The following PRKN variants were observed in gnomAD, a reference collection of about 807,000 sequenced individuals.
PRKN encodes the protein parkin RBR E3 ubiquitin protein ligase, also known as E3 ubiquitin-protein ligase parkin.
In PRKN, 56 loss-of-function variants were observed where a neutral mutation model predicts 59.5. The ratio of observed to expected loss-of-function variants is 0.94; its 90% CI spans 0.76 to 1.18. The LOEUF is 1.18. Ranked by LOEUF, PRKN falls within the 50% of genes most tolerant of loss-of-function variation. The pLI, the probability that PRKN is intolerant of heterozygous loss-of-function variation, is 0.00. For synonymous variants in PRKN, 250 were observed against 222.1 expected, an observed-to-expected ratio of 1.13 and a Z score of -1.12; for missense variants, 657 against 596.4, an observed-to-expected ratio of 1.10 and a Z score of -1.06.
At chr6:162,268,993 G>GAAACA (rs1481378388) in intron 2 of PRKN, among the ~76,000 whole-genome samples, 2 of 125,612 alleles carry the variant, frequency 1.6e-5, no homozygotes, top group South Asian at 2.7e-4. Context: ...TTTTAAAGAG[G>GAAACA]AAACAAAACA....
intron 4 of PRKN, among the ~76,000 whole-genome samples, chr6:162,102,270 T>A (rs535963086): frequency 6.6e-6 from 1 of 152,278 alleles, no homozygotes; most frequent in South Asian, 2.1e-4. Context: ...CTCCCACTTA[T>A]AAGTGAGAAG....
intron 6 of PRKN, among the ~76,000 whole-genome samples, chr6:161,823,718 G>GGTGCACACTCCCTTGGT (rs1792129415): frequency 6.6e-6 from 1 of 152,130 alleles, no homozygotes; most frequent in African/African-American, 2.4e-5. Flanking sequence ...CAAATATTTA[G>GGTGCACACTCCCTTGGT]GTGCACACTC....
At position 161,379,792 on chromosome 6, in the gene PRKN, C is replaced by T. The variant is rs572442609; in HGVS notation, c.1167+7002G>A. ...CACGGCAGTTCAGCCTTCCTTCAAA[C>T]TGCTTCATGCGATTCCCCACAGCAT... is the stretch of plus-strand genomic sequence containing the variant. On this transcript the variant is annotated intron_variant, in intron 10 of 11. Coordinates refer to ENST00000366898, the MANE Select transcript of PRKN (RefSeq NM_004562.3). This position sits in a 1 kb window ranked among gnomAD's most constrained non-coding sequence, Gnocchi z 4.9. Among the ~76,000 whole-genome samples the T allele has an allele frequency of 5.9e-5, 9 of 152,352 alleles. No homozygotes were observed. The East Asian group carries it at 1.5e-3, about 26-fold the overall frequency.
At chr6:162,517,815 C>T (rs1777927957) in intron 1 of PRKN, among the ~76,000 whole-genome samples, 1 of 152,122 alleles carries the variant, frequency 6.6e-6, no homozygotes, top group Admixed American at 6.6e-5. Context: ...TTGTCTACAT[C>T]ATATATTATA....
chr6:161,426,775 G>A (rs1005384859), intron 9 of PRKN, among the ~76,000 whole-genome samples: 3 of 152,084 alleles, frequency 2.0e-5, no homozygotes, highest in Middle Eastern at 3.4e-3. Flanking sequence ...CTGGAGTGCA[G>A]TGGCGCAATC....
At chr6:162,593,341 C>T (rs768935243) in intron 1 of PRKN, among the ~76,000 whole-genome samples, 18 of 152,112 alleles carry the variant, frequency 1.2e-4, no homozygotes, top group Admixed American at 3.3e-4. Flanking sequence ...CTGGATGGCA[C>T]GTCTATTTTG....
chr6:161,721,217 A>C (rs2128185362), intron 7 of PRKN, among the ~76,000 whole-genome samples: 1 of 152,404 alleles, frequency 6.6e-6, no homozygotes, highest in Non-Finnish European at 1.5e-5. Context: ...AAAATGTATA[A>C]AAGTATAAAA....
chr6:162,465,175 G>T (rs555305966), intron 1 of PRKN, among the ~76,000 whole-genome samples: 1 of 152,296 alleles, frequency 6.6e-6, no homozygotes, highest in East Asian at 1.9e-4. Context: ...AGAAAAACCA[G>T]TGAAGTGGTG....
chr6:161,850,632 T>C (rs1478786941), intron 6 of PRKN, among the ~76,000 whole-genome samples: 1 of 152,062 alleles, frequency 6.6e-6, no homozygotes, highest in Non-Finnish European at 1.5e-5. Flanking sequence ...AGTTTTTTTC[T>C]TGTTTGTCTT....
Position 162,021,136 on chromosome 6 carries a change from AT to A in PRKN, c.618+32954del, listed in dbSNP as rs1562465355. Among the ~76,000 whole-genome samples the A allele has an allele frequency of 4.5e-3, 46 of 10,246 alleles. 8 individuals carry two copies. The highest frequency in any genetic ancestry group is 0.023 in the Admixed American group (14 of 596). The allele number at this position is 10,246 out of a possible 152,430, so 6.7% of individuals were successfully genotyped here. On this transcript the variant is annotated intron_variant, in intron 5 of 11. Transcript: ENST00000366898. The stretch of plus-strand genomic sequence containing the variant: ...AACAAAAACATATATATATATATAT[AT>A]ATATATATATATATATATATATATA...
In PRKN at chr6:161,562,525, C is replaced by T. The variant is rs1780495336; in HGVS notation, c.933+6830G>A. On this transcript the variant is annotated intron_variant, in intron 8 of 11. Transcript: ENST00000366898. The surrounding 1 kb of genome is among the most constrained non-coding windows in gnomAD (Gnocchi z 4.3). ...AATTTCCTCTACATGCTGGTAATTC[C>T]AAAGTTATCTCTCCATCTCGGACCT... 6.6e-6 allele frequency among the ~76,000 whole-genome samples: 1 copy of T among 152,170 alleles called. No individual in the cohort carries two copies. The highest frequency in any genetic ancestry group is 2.1e-4 in the South Asian group (1 of 4,832).
intron 7 of PRKN, among the ~76,000 whole-genome samples, chr6:161,733,084 A>G (rs1787790413): frequency 6.6e-6 from 1 of 152,210 alleles, no homozygotes; most frequent in South Asian, 2.1e-4. Context: ...GTAATGAAAC[A>G]CTTATTTCAT....
At chr6:162,057,487 C>T (rs767986245) in intron 4 of PRKN, among the ~76,000 whole-genome samples, 4 of 152,122 alleles carry the variant, frequency 2.6e-5, no homozygotes, top group African/African-American at 4.8e-5. Context: ...CATATATTCA[C>T]TCGATAAAAG....
chr6:161,555,368 G>A (rs964048573), intron 8 of PRKN, among the ~76,000 whole-genome samples: 27 of 152,042 alleles, frequency 1.8e-4, no homozygotes, highest in Admixed American at 1.8e-3. Context: ...GCCCTGTACG[G>A]GACTGAACCT....
At chr6:162,651,204 C>T (rs1448738595) in intron 1 of PRKN, among the ~76,000 whole-genome samples, 1 of 152,124 alleles carries the variant, frequency 6.6e-6, no homozygotes, top group African/African-American at 2.4e-5. Flanking sequence ...TCATTACAAA[C>T]CTCCATTCTC....
chr6:162,579,059 T>C (rs1278386767), intron 1 of PRKN, among the ~76,000 whole-genome samples: 1 of 152,122 alleles, frequency 6.6e-6, no homozygotes, highest in Non-Finnish European at 1.5e-5. Context: ...ATTTTTCCTA[T>C]CTTTTAAAAT....
chr6:162,009,666 T>C (rs541282401), intron 5 of PRKN, among the ~76,000 whole-genome samples: 1 of 151,848 alleles, frequency 6.6e-6, no homozygotes, highest in African/African-American at 2.4e-5. Flanking sequence ...CTGGGCATGG[T>C]GGCTCATGCC....
chr6:161,826,017 G>GA (rs770061920), intron 6 of PRKN, among the ~76,000 whole-genome samples: 1 of 152,078 alleles, frequency 6.6e-6, no homozygotes, highest in Non-Finnish European at 1.5e-5. Context: ...ACCTTCCAAA[G>GA]AAAGTGTCAG....
chr6:161,793,466 A>C (rs1790718377), intron 6 of PRKN, among the ~76,000 whole-genome samples: 1 of 151,934 alleles, frequency 6.6e-6, no homozygotes, highest in South Asian at 2.1e-4. Flanking sequence ...GGTAAAATTC[A>C]TTTATGTCTA....
Sources: allele counts gnomAD v4.1 joint callset (sites outside exome capture counted in the v4.1 genomes callset), GRCh38; gene constraint gnomAD v4.1.1; non-coding constraint Gnocchi (gnomAD v3.1); transcripts MANE v1.5; gene names NCBI Gene and HGNC (gene_info 2026-07-23, HGNC 2026-07-21).